The following ZNRF3 variants were observed in gnomAD, a reference collection of about 807,000 sequenced individuals.
The protein encoded by ZNRF3 is zinc and ring finger 3.
A neutral mutation model predicts 72.5 loss-of-function variants in ZNRF3; 23 were observed. That is an observed-to-expected ratio of 0.32 (90% CI 0.23 to 0.45). The LOEUF (loss-of-function observed/expected upper bound fraction) is 0.45. Ranked by LOEUF, ZNRF3 falls within the 20% of genes least tolerant of loss-of-function variation. The probability of loss-of-function intolerance (pLI) is 1.00; values close to 1 mark genes in which losing one functional copy is unlikely to be tolerated. For missense variants in ZNRF3, 1,169 were observed against 1,272.1 expected (o/e 0.92, Z 1.23); for synonymous variants, 610 against 545.3 (o/e 1.12, Z -1.65).
At chr22:29,004,517 G>T (rs374257599) in intron 2 of ZNRF3, among the ~76,000 whole-genome samples, 1 of 152,186 alleles carries the variant, frequency 6.6e-6, no homozygotes, top group African/African-American at 2.4e-5. Flanking sequence ...CCCGAAGCAC[G>T]CCAGTCTAGG....
intron 1 of ZNRF3, among the ~76,000 whole-genome samples, chr22:28,921,977 A>G (rs2034520824): frequency 6.6e-6 from 1 of 152,238 alleles, no homozygotes; most frequent in African/African-American, 2.4e-5. Context: ...ATATTTGCAT[A>G]TACATAATGA....
At position 29,030,362 on chromosome 22, in the gene ZNRF3, A is replaced by G. The variant is rs2036721876; in HGVS notation, c.427-12133A>G. On this transcript the variant is annotated intron_variant, in intron 2 of 8. Transcript: ENST00000544604. The surrounding 1 kb of genome is among the most constrained non-coding windows in gnomAD (Gnocchi z 4.2). ...CAGCCTCTAAAGTCGGGTACCTTTA[A>G]TTAGGAGAAATTAAGTGGGGCTGCT... Among the ~76,000 whole-genome samples the G allele has an allele frequency of 6.6e-6, 1 of 152,226 alleles. No individual in the cohort carries two copies. Among genetic ancestry groups the G allele is most frequent in the East Asian group, 1.9e-4 (1 of 5,196 alleles).
chr22:28,950,384 T>A (rs570386463), intron 1 of ZNRF3, among the ~76,000 whole-genome samples: 80 of 152,348 alleles, frequency 5.3e-4, no homozygotes, highest in African/African-American at 1.9e-3. Context: ...CTGAGACTGG[T>A]AGCATAAACT....
chr22:29,003,351 C>T (rs922290116), intron 2 of ZNRF3, among the ~76,000 whole-genome samples: 6 of 151,938 alleles, frequency 3.9e-5, no homozygotes, highest in Non-Finnish European at 8.8e-5. Flanking sequence ...TCCATCTCTA[C>T]TTAAAAAAAT....
chr22:28,974,719 C>T (rs1472775582), intron 1 of ZNRF3, among the ~76,000 whole-genome samples: 2 of 152,200 alleles, frequency 1.3e-5, no homozygotes, highest in Non-Finnish European at 2.9e-5. Flanking sequence ...GATCCTAGCT[C>T]ACTGCAGCCT....
At chr22:28,888,855 C>T (rs553238561) in intron 1 of ZNRF3, among the ~76,000 whole-genome samples, 152 of 152,014 alleles carry the variant, frequency 1.0e-3, no homozygotes, top group African/African-American at 3.6e-3. Flanking sequence ...CGGTGGCTCA[C>T]GCCTGTAATC....
chr22:28,926,384 T>C (rs2034601350), intron 1 of ZNRF3, among the ~76,000 whole-genome samples: 1 of 152,154 alleles, frequency 6.6e-6, no homozygotes, highest in Admixed American at 6.5e-5. Context: ...GGTCTCTCTA[T>C]GTTACCTAGG....
intron 1 of ZNRF3, among the ~76,000 whole-genome samples, chr22:28,894,878 T>C (rs1412286336): frequency 6.6e-6 from 1 of 151,980 alleles, no homozygotes; most frequent in Non-Finnish European, 1.5e-5. Context: ...AAAAAAAAAA[T>C]TAAAAGATCT....
intron 1 of ZNRF3, among the ~76,000 whole-genome samples, chr22:28,974,322 C>A (rs1014587718): frequency 1.3e-5 from 2 of 152,076 alleles, no homozygotes; most frequent in African/African-American, 4.8e-5. Context: ...ACTTTTAAAC[C>A]GTGTTATACA....
At chr22:29,022,151 A>G (rs1284688586) in intron 2 of ZNRF3, among the ~76,000 whole-genome samples, 2 of 152,202 alleles carry the variant, frequency 1.3e-5, no homozygotes, top group African/African-American at 4.8e-5. Flanking sequence ...TTATTTTGAG[A>G]TACATTCATG....
At chr22:29,004,195 C>A (rs2036199978) in intron 2 of ZNRF3, among the ~76,000 whole-genome samples, 1 of 152,228 alleles carries the variant, frequency 6.6e-6, no homozygotes, top group Non-Finnish European at 1.5e-5. Context: ...TGGCCCTGAG[C>A]CAGATAGGAC....
chr22:29,007,733 A>G (rs1289505583), intron 2 of ZNRF3, among the ~76,000 whole-genome samples: 3 of 146,346 alleles, frequency 2.0e-5, no homozygotes, highest in Non-Finnish European at 3.0e-5. Context: ...TGCCCCTTTC[A>G]TAGAAATTCC....
chr22:28,959,843 G>C (rs2035325069), intron 1 of ZNRF3, among the ~76,000 whole-genome samples: 1 of 152,170 alleles, frequency 6.6e-6, no homozygotes, highest in Non-Finnish European at 1.5e-5. Flanking sequence ...CAAAGAACAG[G>C]TCATGTGAGC....
chr22:28,887,722 G>A (rs1483154501), intron 1 of ZNRF3, among the ~76,000 whole-genome samples: 1 of 152,202 alleles, frequency 6.6e-6, no homozygotes, highest in East Asian at 1.9e-4. Context: ...CACTTCTCCT[G>A]TAGTTCTGAA....
chr22:28,955,032 G>GTTTT (rs372334361), intron 1 of ZNRF3, among the ~76,000 whole-genome samples: 25 of 137,158 alleles, frequency 1.8e-4, no homozygotes, highest in Non-Finnish European at 1.5e-4. Flanking sequence ...TATTTTTGGT[G>GTTTT]TTTTTTTTTT....
chr22:29,050,391 C>T lies in ZNRF3; in HGVS notation c.2210C>T (p.Pro737Leu). The T allele has an allele frequency of 1.9e-6, 3 of 1,604,778 alleles. No individual in the cohort carries two copies. The highest frequency in any genetic ancestry group is 1.7e-4 in the Middle Eastern group (1 of 6,032). Residue 737 changes from proline to leucine, a missense_variant, in exon 8 of 9, where the codon CCC (proline) becomes CTC (leucine). This residue lies in a region of ZNRF3 where 783 missense variants were observed against 731.4 expected (regional missense o/e 1.07). Coordinates refer to ENST00000544604, the MANE Select transcript of ZNRF3 (RefSeq NM_001206998.2). ...AAGSSTLFLG[P>L]HLYEGSGPAG... is the part of the protein sequence containing the mutation. ...GGCAGCAGCACCTTGTTCCTGGGGCCCCACCTCTACGAGGGCTCTGGCCCG... is the reference window on the plus strand; with the variant it reads ...GGCAGCAGCACCTTGTTCCTGGGGCTCCACCTCTACGAGGGCTCTGGCCCG...
rs1360411505 is a variant in ZNRF3, at chr22:29,055,970, G to A, written c.*2348G>A. Reference sequence around the variant, plus strand: ...TGTGGCTTCAACTGGGCTTATTAAAGTAAGTGTGTCTAGTTTTCACTTGAA... The same window carrying A: ...TGTGGCTTCAACTGGGCTTATTAAAATAAGTGTGTCTAGTTTTCACTTGAA... On this transcript the variant is annotated 3_prime_UTR_variant, in exon 9 of 9. Transcript: ENST00000544604. The A allele has an allele frequency of 6.6e-6, 1 of 152,192 alleles. No individual in the cohort carries two copies. Among genetic ancestry groups the A allele is most frequent in the African/African-American group, 2.4e-5 (1 of 41,434 alleles). 9.4% of individuals were successfully genotyped at this position (152,192 alleles called of 1,614,324 possible).
At chr22:28,962,027 T>G (rs1423441252) in intron 1 of ZNRF3, among the ~76,000 whole-genome samples, 1 of 152,248 alleles carries the variant, frequency 6.6e-6, no homozygotes, top group Non-Finnish European at 1.5e-5. Flanking sequence ...ACATGTGGAC[T>G]TTCTTCCTTG....
intron 1 of ZNRF3, among the ~76,000 whole-genome samples, chr22:28,885,233 A>G (rs1460118194): frequency 6.6e-6 from 1 of 152,096 alleles, no homozygotes; most frequent in East Asian, 1.9e-4. Flanking sequence ...CCCTGCCTTC[A>G]TAGGACAGGG....
Sources: gnomAD v4.1 joint callset for allele counts (sites outside exome capture counted in the v4.1 genomes callset) on GRCh38, gnomAD v4.1.1 for gene constraint, gnomAD v4.1.1 regional missense constraint, Gnocchi (gnomAD v3.1) non-coding constraint, MANE v1.5 for transcripts, NCBI Gene and HGNC (gene_info 2026-07-23, HGNC 2026-07-21) for gene names.